The following CSMD1 variants were observed in gnomAD, a reference collection of about 807,000 sequenced individuals.
CSMD1 encodes CUB and sushi domain-containing protein 1.
Under a neutral mutation model 417.5 loss-of-function variants are expected in CSMD1, and 213 were observed. The observed-to-expected ratio is 0.51, with a 90% confidence interval of 0.46 to 0.57. CSMD1 has a LOEUF of 0.57. CSMD1 is among the 20% of genes least tolerant of loss of function. CSMD1 has a pLI of 0.00. For missense variants in CSMD1, 6,923 were observed against 4,529.7 expected (o/e 1.53, Z -15.17); for synonymous variants, 2,862 against 1,736.8 (o/e 1.65, Z -16.11).
chr8:4,439,058 G>C (rs1018141865), intron 2 of CSMD1, among the ~76,000 whole-genome samples: 6 of 152,202 alleles, frequency 3.9e-5, no homozygotes, highest in South Asian at 4.1e-4. Context: ...AGCTGATATA[G>C]GTCTTATTGG....
At chr8:3,617,822 A>T (rs1802218696) in intron 7 of CSMD1, among the ~76,000 whole-genome samples, 1 of 152,222 alleles carries the variant, frequency 6.6e-6, no homozygotes, top group African/African-American at 2.4e-5. Context: ...CTATAGCGTA[A>T]ATCCAATGAA....
At chr8:4,404,792 A>C (rs1013659442) in intron 3 of CSMD1, among the ~76,000 whole-genome samples, 2 of 152,140 alleles carry the variant, frequency 1.3e-5, no homozygotes, top group Admixed American at 6.5e-5. Context: ...CAAGACTTGA[A>C]CTAAATATGT....
chr8:3,341,758 C>T (rs1377971964), intron 23 of CSMD1, among the ~76,000 whole-genome samples: 1 of 152,070 alleles, frequency 6.6e-6, no homozygotes, highest in African/African-American at 2.4e-5. Flanking sequence ...GGAACTTCCC[C>T]GTAATTAGAC....
intron 3 of CSMD1, among the ~76,000 whole-genome samples, chr8:4,343,034 C>T (rs994656350): frequency 6.6e-6 from 1 of 152,088 alleles, no homozygotes; most frequent in Admixed American, 6.6e-5. Flanking sequence ...CTCCAACCCT[C>T]ATATTCAACA....
At chr8:3,320,316 C>A (rs867603163) in intron 23 of CSMD1, among the ~76,000 whole-genome samples, 3 of 152,132 alleles carry the variant, frequency 2.0e-5, no homozygotes, top group African/African-American at 4.8e-5. Flanking sequence ...ACACACCCTG[C>A]CCCTGCCTCG....
chr8:3,754,420 G>A (rs1797538695), intron 5 of CSMD1, among the ~76,000 whole-genome samples: 1 of 141,942 alleles, frequency 7.0e-6, no homozygotes, highest in South Asian at 2.3e-4. Context: ...ACAATTTGAA[G>A]ACTTAGTAAT....
intron 5 of CSMD1, among the ~76,000 whole-genome samples, chr8:3,897,226 CA>C (rs1424635641): frequency 6.6e-6 from 1 of 152,154 alleles, no homozygotes; most frequent in Non-Finnish European, 1.5e-5. Flanking sequence ...AGTGAGATGA[CA>C]CAGCCTACCC....
At chr8:4,949,831 G>A (rs932338804) in intron 1 of CSMD1, among the ~76,000 whole-genome samples, 1 of 152,016 alleles carries the variant, frequency 6.6e-6, no homozygotes, top group African/African-American at 2.4e-5. Flanking sequence ...TGAAGGACAG[G>A]ATATATATAT....
chr8:3,531,542 C>A (rs752889121), intron 10 of CSMD1, among the ~76,000 whole-genome samples: 2 of 152,168 alleles, frequency 1.3e-5, no homozygotes, highest in African/African-American at 2.4e-5. Context: ...GGGAGGCAGC[C>A]AGAAGTTCTG....
At chr8:3,878,427 A>G (rs1229325652) in intron 5 of CSMD1, among the ~76,000 whole-genome samples, 1 of 152,170 alleles carries the variant, frequency 6.6e-6, no homozygotes, top group East Asian at 1.9e-4. Flanking sequence ...AATATCAACA[A>G]TGATACCAGT....
chr8:4,904,776 C>T (rs930132896), intron 1 of CSMD1, among the ~76,000 whole-genome samples: 4 of 152,088 alleles, frequency 2.6e-5, no homozygotes, highest in African/African-American at 9.7e-5. Flanking sequence ...GTAAAAACTT[C>T]AGCAGTTATT....
intron 25 of CSMD1, among the ~76,000 whole-genome samples, chr8:3,306,104 A>G (rs2117374946): frequency 6.6e-6 from 1 of 152,284 alleles, no homozygotes; most frequent in South Asian, 2.1e-4. Flanking sequence ...TGTAGGGTGT[A>G]TAATATGCAT....
At chr8:3,414,881 C>G (rs923601510) in intron 12 of CSMD1, among the ~76,000 whole-genome samples, 15 of 152,072 alleles carry the variant, frequency 9.9e-5, no homozygotes, top group African/African-American at 3.6e-4. Context: ...TGCGCTTGCT[C>G]GGGGATGGCC....
At chr8:4,974,069 G>C (rs144807877) in intron 1 of CSMD1, among the ~76,000 whole-genome samples, 4,714 of 152,320 alleles carry the variant, frequency 0.031, 94 homozygotes, top group Middle Eastern at 0.13. Context: ...TGCCCAGGCT[G>C]GAGAGTAGTG....
chr8:4,269,924 C>T (rs908525139), intron 3 of CSMD1, among the ~76,000 whole-genome samples: 5 of 152,132 alleles, frequency 3.3e-5, no homozygotes, highest in South Asian at 2.1e-4. Flanking sequence ...GGAAGAAGGG[C>T]GTTCAAGCCA....
intron 3 of CSMD1, among the ~76,000 whole-genome samples, chr8:4,195,412 G>C (rs565101956): frequency 6.6e-6 from 1 of 152,104 alleles, no homozygotes; most frequent in African/African-American, 2.4e-5. Context: ...TTGACCCACC[G>C]ATGCAAGACT....
chr8:4,359,526 G>T (rs986655998), intron 3 of CSMD1, among the ~76,000 whole-genome samples: 4 of 152,158 alleles, frequency 2.6e-5, no homozygotes, highest in African/African-American at 7.2e-5. Flanking sequence ...TGCAAATAGA[G>T]ATGTCTCCTT....
At chr8:3,794,871 A>ATCTCTC (rs71203478) in intron 5 of CSMD1, among the ~76,000 whole-genome samples, 16 of 150,532 alleles carry the variant, frequency 1.1e-4, no homozygotes, top group Admixed American at 2.0e-4. Flanking sequence ...TTTACCAATG[A>ATCTCTC]TCTCTCTCTC....
At chr8:4,114,905 G>C (rs1266458695) in intron 3 of CSMD1, among the ~76,000 whole-genome samples, 2 of 152,160 alleles carry the variant, frequency 1.3e-5, no homozygotes, top group African/African-American at 2.4e-5. Context: ...TTCCAGATAA[G>C]ATAGGAAAAT....
Sources: allele counts gnomAD v4.1 joint callset (sites outside exome capture counted in the v4.1 genomes callset), GRCh38; gene constraint gnomAD v4.1.1; transcripts MANE v1.5; gene names NCBI Gene and HGNC (gene_info 2026-07-23, HGNC 2026-07-21).